CDC42BPA: variants seen among roughly 807,000 people sequenced by gnomAD.
CDC42BPA encodes the protein serine/threonine-protein kinase MRCK alpha.
CDC42BPA carries 80 observed loss-of-function variants against 223.5 expected under a neutral mutation model. The observed-to-expected ratio is 0.36, with a 90% confidence interval of 0.30 to 0.43. The LOEUF (loss-of-function observed/expected upper bound fraction) is 0.43, where lower values mean the gene tolerates loss of function less well. CDC42BPA is among the 20% of genes least tolerant of loss of function. CDC42BPA has a pLI of 1.00. For missense variants in CDC42BPA, 1,743 were observed against 2,099.9 expected (o/e 0.83, Z 3.32); for synonymous variants, 694 against 718.6 (o/e 0.97, Z 0.55).
chr1:227,135,731 G>C (rs1235178344), intron 10 of CDC42BPA, among the ~76,000 whole-genome samples: 1 of 151,850 alleles, frequency 6.6e-6, no homozygotes, highest in Non-Finnish European at 1.5e-5. Context: ...GCACGTGCCT[G>C]TAGTCCCAGT....
intron 2 of CDC42BPA, among the ~76,000 whole-genome samples, chr1:227,238,884 T>C (rs888692372): frequency 3.9e-5 from 6 of 152,260 alleles, no homozygotes; most frequent in East Asian, 1.9e-4. Flanking sequence ...ACAATTATAT[T>C]TGAAAACTTT....
chr1:227,165,016 C>T (rs915135594), intron 5 of CDC42BPA, among the ~76,000 whole-genome samples: 1 of 150,558 alleles, frequency 6.6e-6, no homozygotes, highest in Non-Finnish European at 1.5e-5. Flanking sequence ...CAAAGTAAAA[C>T]ATTCAATAAG....
intron 12 of CDC42BPA, among the ~76,000 whole-genome samples, chr1:227,116,887 A>G (rs1231603175): frequency 6.6e-6 from 1 of 152,100 alleles, no homozygotes; most frequent in Non-Finnish European, 1.5e-5. Flanking sequence ...CCTTTGATGG[A>G]GCAGGAGACT....
At chr1:227,209,030 C>T (rs1158726764) in intron 3 of CDC42BPA, among the ~76,000 whole-genome samples, 1 of 150,846 alleles carries the variant, frequency 6.6e-6, no homozygotes, top group Non-Finnish European at 1.5e-5. Context: ...CTTTTATTTC[C>T]TTGAGCAGTG....
chr1:227,056,848 G>A (rs548509424), intron 21 of CDC42BPA, among the ~76,000 whole-genome samples: 1 of 152,160 alleles, frequency 6.6e-6, no homozygotes, highest in Non-Finnish European at 1.5e-5. Flanking sequence ...TACAAAAACA[G>A]TATTACAGAA....
At chr1:227,165,073 A>G (rs1401285937) in intron 5 of CDC42BPA, among the ~76,000 whole-genome samples, 1 of 152,240 alleles carries the variant, frequency 6.6e-6, no homozygotes, top group African/African-American at 2.4e-5. Context: ...ATTAAATGCA[A>G]TACTATGCAC....
At chr1:227,114,022 A>AAAAAAAAAAAAAAAAAG (rs1162177105) in intron 12 of CDC42BPA, among the ~76,000 whole-genome samples, 4 of 151,664 alleles carry the variant, frequency 2.6e-5, no homozygotes, top group African/African-American at 9.7e-5. Context: ...CAACTCAAAA[A>AAAAAAAAAAAAAAAAAG]AAAAGAAAAG....
At chr1:227,129,684 A>AAAAAAAAAAT (rs1656613670) in intron 10 of CDC42BPA, among the ~76,000 whole-genome samples, 2 of 107,078 alleles carry the variant, frequency 1.9e-5, no homozygotes, top group Non-Finnish European at 4.1e-5. Context: ...AAAAAAAAAA[A>AAAAAAAAAAT]AAAAAAAAAA....
At chr1:227,312,893 C>G (rs149688643) in intron 1 of CDC42BPA, among the ~76,000 whole-genome samples, 216 of 152,230 alleles carry the variant, frequency 1.4e-3, no homozygotes, top group African/African-American at 4.9e-3. Flanking sequence ...CCATGCAGGA[C>G]GGGGTCGGCT....
chr1:227,051,828 T>G, intron 22 of CDC42BPA, 53 bp downstream of exon 22: 1 of 1,035,918 alleles, frequency 9.7e-7, no homozygotes, highest in Non-Finnish European at 1.4e-6. Flanking sequence ...TTCAATTCCC[T>G]CTTTTCTGAC....
At chr1:226,997,065 C>CCA (rs1661762708) in intron 35 of CDC42BPA, among the ~76,000 whole-genome samples, 1 of 152,146 alleles carries the variant, frequency 6.6e-6, no homozygotes, top group East Asian at 1.9e-4. Flanking sequence ...TGGTAGAATT[C>CCA]GGCTGTGAAT....
chr1:227,167,948 G>A (rs562191577), intron 5 of CDC42BPA, among the ~76,000 whole-genome samples: 74 of 149,126 alleles, frequency 5.0e-4, no homozygotes, highest in Non-Finnish European at 8.1e-4. Flanking sequence ...TTTTTTAGAC[G>A]GAGTCTCACT....
intron 1 of CDC42BPA, among the ~76,000 whole-genome samples, chr1:227,310,750 G>A (rs1008091449): frequency 1.4e-5 from 2 of 145,956 alleles, no homozygotes; most frequent in Admixed American, 1.4e-4. Context: ...GCAGTGGCGC[G>A]ATCTCGGCTC....
intron 21 of CDC42BPA, among the ~76,000 whole-genome samples, chr1:227,063,866 T>C (rs1314883809): frequency 6.6e-6 from 1 of 152,180 alleles, no homozygotes; most frequent in African/African-American, 2.4e-5. Flanking sequence ...TTTCTGTAAC[T>C]GATTGTAACA....
At chr1:227,295,027 A>C (rs929335782) in intron 1 of CDC42BPA, among the ~76,000 whole-genome samples, 5 of 152,022 alleles carry the variant, frequency 3.3e-5, no homozygotes, top group African/African-American at 9.7e-5. Context: ...CAAAAATGAC[A>C]AATCTGCTAT....
intron 14 of CDC42BPA, among the ~76,000 whole-genome samples, chr1:227,102,027 ATC>A (rs1471155131): frequency 1.3e-5 from 2 of 152,294 alleles, no homozygotes; most frequent in South Asian, 2.1e-4. Flanking sequence ...GTTATATCTT[ATC>A]TGTCTCCCCA....
chr1:227,255,367 T>C (rs1682858737), intron 1 of CDC42BPA, among the ~76,000 whole-genome samples: 1 of 152,214 alleles, frequency 6.6e-6, no homozygotes, highest in Non-Finnish European at 1.5e-5. Flanking sequence ...TAGCTCTAAC[T>C]AGCTTCGAAA....
At chr1:227,198,633 A>G (rs12742635) in intron 4 of CDC42BPA, among the ~76,000 whole-genome samples, 1 of 152,156 alleles carries the variant, frequency 6.6e-6, no homozygotes, top group African/African-American at 2.4e-5. Context: ...GAAATCAGAT[A>G]AACCCCATGA....
rs749977241 is a variant in CDC42BPA at position 227,147,505 on chromosome 1, G to C, written c.748C>G (p.Gln250Glu). Residue 250 changes from glutamine (Q) to glutamate (E), a missense_variant, in exon 7 of 37, where the codon CAA becomes GAA. By Grantham distance (29) the Gln-to-Glu change is conservative (BLOSUM62 2). Around this residue, in one of 6 missense-constraint regions of CDC42BPA, gnomAD observed 321 missense variants for 488.7 expected, o/e 0.66. Transcript: ENST00000366766. The part of the protein sequence containing the change: ...TPDYISPEIL[Q>E]AMEDGKGRYG... ...CTCCCTTTTCCATCTTCCATGGCTTGAAGGATTTCAGGAGAGATATAATCT... is the reference window on the plus strand; with the variant it reads ...CTCCCTTTTCCATCTTCCATGGCTTCAAGGATTTCAGGAGAGATATAATCT... The C allele has an allele frequency of 1.2e-6, 2 of 1,613,122 alleles. No individual in the cohort carries two copies. Among genetic ancestry groups the C allele is most frequent in the South Asian group, 2.2e-5 (2 of 90,996 alleles).
Sources: gnomAD v4.1 joint callset for allele counts (sites outside exome capture counted in the v4.1 genomes callset) on GRCh38, gnomAD v4.1.1 for gene constraint, gnomAD v4.1.1 regional missense constraint, MANE v1.5 for transcripts, NCBI Gene and HGNC (gene_info 2026-07-23, HGNC 2026-07-21) for gene names.